XPOT: variants seen among roughly 807,000 people sequenced by gnomAD.
The protein encoded by XPOT is exportin-T.
Under a neutral mutation model 128.2 loss-of-function variants are expected in XPOT, and 34 were observed. That is an observed-to-expected ratio of 0.27 (90% confidence interval 0.20 to 0.35). The LOEUF (loss-of-function observed/expected upper bound fraction) is 0.35. XPOT is among the 10% of genes least tolerant of loss of function. XPOT has a pLI of 1.00. For synonymous variants in XPOT, 348 were observed against 394.3 expected, an observed-to-expected ratio of 0.88 and a Z score of 1.39; for missense variants, 838 against 1,125.3, an observed-to-expected ratio of 0.74 and a Z score of 3.65.
At position 64,420,376 on chromosome 12, in the gene XPOT, A is replaced by G. The variant is rs1191819639; in HGVS notation, c.698A>G (p.His233Arg). The G allele has an allele frequency of 6.2e-7, 1 of 1,613,686 alleles. No homozygotes were observed. The highest frequency in any genetic ancestry group is 1.1e-5 in the South Asian group (1 of 91,036). ...NDRFINMLLG[H>R]MSIEVLREEA... ...AGGTTTATAAATATGCTGCTAGGTCATATGTCAATAGAAGTTCTACGGGAA... is the reference window on the plus strand; with the variant it reads ...AGGTTTATAAATATGCTGCTAGGTCGTATGTCAATAGAAGTTCTACGGGAA... Residue 233 changes from histidine (H) to arginine (R), a missense_variant, in exon 8 of 25, where the codon CAT becomes CGT. Physicochemically the swap from His to Arg is conservative, Grantham distance 29 (BLOSUM62 0). Transcript: ENST00000332707.
At chr12:64,435,032 G>A (rs1357905461) in intron 21 of XPOT, 123 bp downstream of exon 21, 1 of 796,854 alleles carries the variant, frequency 1.3e-6, no homozygotes, top group Non-Finnish European at 1.9e-6. Flanking sequence ...TTTCAGATCA[G>A]GGTTCTTTTT....
At chr12:64,407,187 C>A (rs1008787695) in intron 1 of XPOT, among the ~76,000 whole-genome samples, 5 of 151,978 alleles carry the variant, frequency 3.3e-5, no homozygotes, top group African/African-American at 1.2e-4. Flanking sequence ...ACAGTCCTTG[C>A]CCTTTAAGAT....
chr12:64,420,761 G>T (rs1416739067), intron 8 of XPOT, among the ~76,000 whole-genome samples: 1 of 152,100 alleles, frequency 6.6e-6, no homozygotes, highest in African/African-American at 2.4e-5. Context: ...ACTCTTAGGA[G>T]ATGCTGACAC....
intron 24 of XPOT, among the ~76,000 whole-genome samples, chr12:64,446,212 G>A (rs1037564416): frequency 2.0e-5 from 3 of 152,188 alleles, no homozygotes; most frequent in Non-Finnish European, 4.4e-5. Context: ...GTCTGTAACA[G>A]TAGATCTAGG....
At chr12:64,420,974 A>G (rs1471642687) in intron 8 of XPOT, among the ~76,000 whole-genome samples, 1 of 151,778 alleles carries the variant, frequency 6.6e-6, no homozygotes, top group African/African-American at 2.4e-5. Context: ...CAAATTTTTT[A>G]CCTTTTTGGT....
chr12:64,430,549 A>G (rs907390852), intron 17 of XPOT, among the ~76,000 whole-genome samples: 2 of 111,648 alleles, frequency 1.8e-5, no homozygotes, highest in African/African-American at 5.1e-5. Context: ...TAAGAGGATC[A>G]GCTGAAGTGT....
At chr12:64,441,908 A>T (rs1398892825) in intron 23 of XPOT, among the ~76,000 whole-genome samples, 2 of 151,230 alleles carry the variant, frequency 1.3e-5, no homozygotes, top group Admixed American at 6.6e-5. Flanking sequence ...TCAAACTCCT[A>T]ACCTCAGTGA....
In XPOT at chr12:64,430,097, T is replaced by C; in HGVS notation, c.1786T>C (p.Tyr596His). ...LLSSDDQLFI[Y>H]ETAGVLIVNS... is the part of the protein sequence containing the mutation. ...GAGCAGCGATGATCAACTTTTTATT[T>C]ATGAGACAGCTGGAGTGCTGATTGT... Residue 596 changes from tyrosine to histidine, a missense_variant, in exon 17 of 25, where the codon TAT becomes CAT. Tyr to His is a moderately conservative substitution (Grantham distance 83). Coordinates refer to ENST00000332707, the MANE Select transcript of XPOT (RefSeq NM_007235.6). The C allele has an allele frequency of 1.9e-6, 3 of 1,612,722 alleles. No individual in the cohort carries two copies. Among genetic ancestry groups the C allele is most frequent in the Non-Finnish European group, 1.7e-6 (2 of 1,179,510 alleles).
intron 24 of XPOT, 36 bp downstream of exon 24, chr12:64,445,167 T>G: frequency 1.3e-6 from 2 of 1,509,458 alleles, no homozygotes; most frequent in Non-Finnish European, 1.8e-6. Flanking sequence ...CTTCATACAA[T>G]TAGGTAATGT....
At chr12:64,445,599 G>A (rs1175427451) in intron 24 of XPOT, among the ~76,000 whole-genome samples, 3 of 151,962 alleles carry the variant, frequency 2.0e-5, no homozygotes, top group Admixed American at 6.6e-5. Flanking sequence ...AGTGTCACGT[G>A]TTTATTTGGT....
In XPOT at chr12:64,430,170, T is replaced by G; in HGVS notation, c.1859T>G (p.Leu620Arg). The G allele has an allele frequency of 6.2e-7, 1 of 1,613,798 alleles. No individual in the cohort carries two copies. The highest frequency in any genetic ancestry group is 8.5e-7 in the Non-Finnish European group (1 of 1,179,902). The change falls in exon 17 of 25, where the codon CTG becomes CGG. Residue 620 changes from leucine to arginine, a missense_variant. Around this residue, in one of 3 missense-constraint regions of XPOT, gnomAD observed 761 missense variants for 988.3 expected, o/e 0.77. Transcript: ENST00000332707. ...AGGAAACAAGCCTTAATGAGGAATC[T>G]GTTGACTCCACTAATGGAGAAGTTT... ...AERKQALMRN[L>R]LTPLMEKFKI...
chr12:64,442,310 T>G (rs1293517846), intron 23 of XPOT, among the ~76,000 whole-genome samples: 1 of 152,138 alleles, frequency 6.6e-6, no homozygotes, highest in Non-Finnish European at 1.5e-5. Flanking sequence ...AATTTTTGTA[T>G]TTTTAGTAGA....
intron 23 of XPOT, among the ~76,000 whole-genome samples, chr12:64,444,704 A>G (rs143262853): frequency 9.7e-4 from 148 of 152,300 alleles, no homozygotes; most frequent in African/African-American, 3.5e-3. Flanking sequence ...GCAAGATGCA[A>G]AAGTTCTAGA....
intron 1 of XPOT, among the ~76,000 whole-genome samples, chr12:64,407,778 T>C (rs986275978): frequency 1.2e-4 from 18 of 152,164 alleles, no homozygotes; most frequent in Non-Finnish European, 7.3e-5. Flanking sequence ...TGAGGAGTTA[T>C]TCAAAAGTGT....
chr12:64,428,154 G>A, intron 16 of XPOT, 34 bp downstream of exon 16: 1 of 1,415,700 alleles, frequency 7.1e-7, no homozygotes, highest in Non-Finnish European at 9.8e-7. Flanking sequence ...ATTTTACCCA[G>A]AATTCATTGA....
chr12:64,439,711 T>C (rs1044825614), intron 23 of XPOT, among the ~76,000 whole-genome samples: 1 of 152,210 alleles, frequency 6.6e-6, no homozygotes, highest in Non-Finnish European at 1.5e-5. Flanking sequence ...GGTAGTTCAT[T>C]GTGTGTACAC....
At chr12:64,437,306 C>CT (rs1458311529) in intron 22 of XPOT, among the ~76,000 whole-genome samples, 7 of 152,130 alleles carry the variant, frequency 4.6e-5, no homozygotes, top group African/African-American at 1.7e-4. Flanking sequence ...GGGTTAAGTA[C>CT]TTTAGTGGAG....
intron 21 of XPOT, 90 bp downstream of exon 21, chr12:64,434,999 T>C (rs897259012): frequency 4.4e-6 from 5 of 1,135,792 alleles, no homozygotes; most frequent in Non-Finnish European, 6.3e-6. Flanking sequence ...TATGTTTCAT[T>C]GATTTTTTTT....
chr12:64,406,984 C>T (rs910591215), intron 1 of XPOT, among the ~76,000 whole-genome samples: 1 of 152,116 alleles, frequency 6.6e-6, no homozygotes, highest in Non-Finnish European at 1.5e-5. Context: ...CATACCTTAT[C>T]TCTTTGAAGC....
Sources: allele counts gnomAD v4.1 joint callset (sites outside exome capture counted in the v4.1 genomes callset), GRCh38; gene constraint gnomAD v4.1.1; regional missense constraint gnomAD v4.1.1; transcripts MANE v1.5; gene names NCBI Gene and HGNC (gene_info 2026-07-23, HGNC 2026-07-21).